Variants in PTPN13 observed in about 807,000 individuals in gnomAD.
PTPN13 encodes the protein protein tyrosine phosphatase non-receptor type 13.
A neutral mutation model predicts 284.0 loss-of-function variants in PTPN13; 191 were observed. The ratio of observed to expected loss-of-function variants is 0.67; its 90% CI spans 0.60 to 0.76. PTPN13 has a LOEUF of 0.76. PTPN13 is among the 30% of genes least tolerant of loss of function. The pLI is 0.00. For synonymous variants in PTPN13, 986 were observed against 1,022.3 expected, an observed-to-expected ratio of 0.96 and a Z score of 0.68; for missense variants, 2,797 against 2,939.9, an observed-to-expected ratio of 0.95 and a Z score of 1.12.
intron 1 of PTPN13, among the ~76,000 whole-genome samples, chr4:86,628,852 A>G (rs1341167611): frequency 6.7e-5 from 10 of 149,874 alleles, no homozygotes; most frequent in African/African-American, 2.2e-4. Context: ...TTATGGCTGC[A>G]TAGTATTCCA....
intron 12 of PTPN13, 144 bp from the exon 13 acceptor site, chr4:86,734,159 C>A: frequency 1.5e-6 from 1 of 647,136 alleles, no homozygotes; most frequent in Non-Finnish European, 2.5e-6. Context: ...TGTCTCAGAG[C>A]TCCCTGCCAC....
chr4:86,607,691 A>C (rs1000755393), intron 1 of PTPN13, among the ~76,000 whole-genome samples: 1 of 151,994 alleles, frequency 6.6e-6, no homozygotes. Context: ...AATCGCCTCA[A>C]TTTCCCTAGA....
rs189714046 is a variant in PTPN13, at chr4:86,648,159, T to G, written c.115+12788T>G. ...GATATTTTGAAAAAAGCGTACTCTG[T>G]GTAATGGTCAAGTCAGGGTAGCTGG... On this transcript the variant is annotated intron_variant, in intron 2 of 47. Transcript: ENST00000411767. 4.1e-3 allele frequency among the ~76,000 whole-genome samples: 624 copies of G among 152,244 alleles called. 7 individuals are homozygous for G. Among genetic ancestry groups the G allele is most frequent in the South Asian group, 3.5e-3 (17 of 4,820 alleles).
intron 4 of PTPN13, among the ~76,000 whole-genome samples, chr4:86,688,689 G>A (rs537205754): frequency 1.3e-5 from 2 of 152,156 alleles, no homozygotes; most frequent in South Asian, 2.1e-4. Context: ...TTGTGTGTGC[G>A]TGTGTACATG....
chr4:86,716,936 C>CT (rs1453776384), intron 8 of PTPN13, 88 bp from the exon 9 acceptor site: 2 of 874,432 alleles, frequency 2.3e-6, no homozygotes, highest in Non-Finnish European at 3.7e-6. Flanking sequence ...TTGTACAACT[C>CT]TATGTCTGCT....
intron 10 of PTPN13, 135 bp downstream of exon 10, chr4:86,722,569 C>A: frequency 3.1e-6 from 2 of 636,580 alleles, no homozygotes; most frequent in East Asian, 2.7e-5. Context: ...ATATTCATTT[C>A]CACTGGGATT....
At chr4:86,629,793 CTGT>C (rs973117308) in intron 1 of PTPN13, among the ~76,000 whole-genome samples, 1 of 152,030 alleles carries the variant, frequency 6.6e-6, no homozygotes, top group Admixed American at 6.5e-5. Context: ...GGGTCTTGCT[CTGT>C]TGCCCAGGCT....
chr4:86,701,472 G>A lies in PTPN13; in HGVS notation c.866G>A (p.Gly289Asp), dbSNP rs1731153391. ...GGCCCAGAAAAAAAACCCATCCCTGGCATTGATGTGCTTTCTAAGAAGAAG... is the reference window on the plus strand; with the variant it reads ...GGCCCAGAAAAAAAACCCATCCCTGACATTGATGTGCTTTCTAAGAAGAAG... ...TSGPEKKPIP[G>D]IDVLSKKKIW... is the part of the protein sequence containing the mutation. The change falls in exon 7 of 48, where the codon GGC becomes GAC. Residue 289 changes from glycine (G) to aspartate (D), a missense_variant. Coordinates refer to ENST00000411767, the MANE Select transcript of PTPN13 (RefSeq NM_080683.3). The A allele has an allele frequency of 3.1e-6, 5 of 1,613,734 alleles. No individual in the cohort carries two copies. The highest frequency in any genetic ancestry group is 3.4e-6 in the Non-Finnish European group (4 of 1,179,828).
chr4:86,627,712 C>T (rs934239971), intron 1 of PTPN13, among the ~76,000 whole-genome samples: 1 of 152,130 alleles, frequency 6.6e-6, no homozygotes, highest in African/African-American at 2.4e-5. Context: ...CCACATGCCT[C>T]TCCATAGGGC....
intron 2 of PTPN13, among the ~76,000 whole-genome samples, chr4:86,642,142 C>T (rs937503015): frequency 3.3e-5 from 5 of 152,022 alleles, no homozygotes; most frequent in Non-Finnish European, 7.4e-5. Context: ...CTGTTATCTG[C>T]CCTTAATATG....
chr4:86,772,985 A>C, intron 32 of PTPN13, 27 bp downstream of exon 32: 1 of 1,445,422 alleles, frequency 6.9e-7, no homozygotes, highest in Non-Finnish European at 9.2e-7. Context: ...ATATTTAAAA[A>C]AAAATCCATA....
chr4:86,701,915 G>A, intron 7 of PTPN13, 114 bp downstream of exon 7: 1 of 1,052,418 alleles, frequency 9.5e-7, no homozygotes, highest in Non-Finnish European at 1.3e-6. Flanking sequence ...CCAAATTTTT[G>A]TACCCTGGTT....
chr4:86,775,563 G>A lies in PTPN13; in HGVS notation c.5802G>A (p.Val1934=). 1 of 1,613,680 alleles carries A rather than the reference G, an allele frequency of 6.2e-7. No homozygotes were observed. Among genetic ancestry groups the A allele is most frequent in the Non-Finnish European group, 8.5e-7 (1 of 1,179,770 alleles). Residue 1934 remains valine, a synonymous_variant, in exon 35 of 48, where the codon GTG becomes GTA. Transcript: ENST00000411767. ...AGCTATTAGATGTCATCCATTATGT[G>A]AACGGAGTCAGCACACAAGGAATGA... is the stretch of plus-strand genomic sequence containing the variant. The part of the protein sequence containing the change: ...NLQLLDVIHY[V]NGVSTQGMTL...
chr4:86,693,752 C>T (rs1005817007), intron 6 of PTPN13, 78 bp downstream of exon 6: 44 of 1,025,456 alleles, frequency 4.3e-5, no homozygotes, highest in Admixed American at 5.6e-5. Context: ...ACTTACCTGG[C>T]TTTGAAATCT....
chr4:86,737,885 C>T (rs1353587854), intron 15 of PTPN13, among the ~76,000 whole-genome samples: 1 of 152,064 alleles, frequency 6.6e-6, no homozygotes, highest in East Asian at 1.9e-4. Flanking sequence ...CATGCCACCA[C>T]GCCTGGCTAA....
intron 2 of PTPN13, among the ~76,000 whole-genome samples, chr4:86,654,092 T>C (rs954208180): frequency 2.0e-5 from 3 of 152,068 alleles, no homozygotes; most frequent in African/African-American, 4.8e-5. Flanking sequence ...ATTGACACCC[T>C]AACATCACAA....
intron 27 of PTPN13, 114 bp downstream of exon 27, chr4:86,766,631 C>A: frequency 2.9e-6 from 2 of 688,648 alleles, no homozygotes; most frequent in South Asian, 2.6e-5. Flanking sequence ...AGAAACCAAG[C>A]CTGATATATA....
chr4:86,785,859 A>G lies in PTPN13; in HGVS notation c.6268A>G (p.Met2090Val), dbSNP rs1741839374. The change falls in exon 40 of 48, where the codon ATG becomes GTG. Residue 2090 changes from methionine (M) to valine (V), a missense_variant. Physicochemically the swap from Met to Val is conservative, Grantham distance 21. Coordinates refer to ENST00000411767, the MANE Select transcript of PTPN13 (RefSeq NM_080683.3). ...GYSCGPGTLK[M>V]NGKLSEERTE... ...TATTCCTCTCTCAGGTACATTAAAG[A>G]TGAATGGGAAGTTATCAGAAGAGAG... 1.3e-6 allele frequency: 2 copies of G among 1,559,366 alleles called. No individual in the cohort carries two copies. Among genetic ancestry groups the G allele is most frequent in the Non-Finnish European group, 1.7e-6 (2 of 1,148,564 alleles).
intron 23 of PTPN13, among the ~76,000 whole-genome samples, chr4:86,759,465 A>G (rs963649893): frequency 6.6e-6 from 1 of 152,220 alleles, no homozygotes; most frequent in East Asian, 1.9e-4. Flanking sequence ...TATTAGCTAT[A>G]TGACTTAAGC....
Sources: gnomAD v4.1 joint callset for allele counts (sites outside exome capture counted in the v4.1 genomes callset) on GRCh38, gnomAD v4.1.1 for gene constraint, MANE v1.5 for transcripts, NCBI Gene and HGNC (gene_info 2026-07-23, HGNC 2026-07-21) for gene names.